Variants in ZFPM1 observed in about 807,000 individuals in gnomAD.
ZFPM1 encodes the protein zinc finger protein, FOG family member 1.
Under a neutral mutation model 46.3 loss-of-function variants are expected in ZFPM1, and 28 were observed. The observed-to-expected ratio is 0.60, with a 90% CI of 0.45 to 0.83. The LOEUF (loss-of-function observed/expected upper bound fraction) is 0.83, where lower values mean the gene tolerates loss of function less well. ZFPM1 is among the 40% of genes least tolerant of loss of function. The pLI, the probability that ZFPM1 is intolerant of heterozygous loss-of-function variation, is 0.00. For synonymous variants in ZFPM1, 957 were observed against 675.9 expected, an observed-to-expected ratio of 1.42 and a Z score of -6.45; for missense variants, 1,878 against 1,432.4, an observed-to-expected ratio of 1.31 and a Z score of -5.02.
chr16:88,453,768 G>T (rs1392536879), intron 1 of ZFPM1, 90 bp downstream of exon 1: 4 of 794,324 alleles, frequency 5.0e-6, no homozygotes, highest in Non-Finnish European at 6.2e-6. Context: ...TCCCCGCTCT[G>T]CCCTGGGCGC....
At chr16:88,521,918 C>T (rs1341065499) in intron 4 of ZFPM1, 2 of 153,488 alleles carry the variant, frequency 1.3e-5, no homozygotes, top group Non-Finnish European at 2.9e-5. Context: ...CCACACCCTC[C>T]CCTCCTCACC....
chr16:88,507,237 C>G (rs1332067573), intron 3 of ZFPM1, among the ~76,000 whole-genome samples: 1 of 152,190 alleles, frequency 6.6e-6, no homozygotes, highest in Non-Finnish European at 1.5e-5. Context: ...TCAGGCCTTG[C>G]TTTTCACAGA....
chr16:88,517,238 GTGGGTGGA>G lies in ZFPM1; in HGVS notation c.402+2722_402+2729del, dbSNP rs1567548208. 1.1e-4 allele frequency among the ~76,000 whole-genome samples: 11 copies of G among 100,480 alleles called. No homozygotes were observed. The East Asian group carries it at 1.8e-3, about 16-fold the overall frequency. 65.9% of individuals were successfully genotyped at this position (100,480 alleles called of 152,430 possible). A position where few individuals can be genotyped will look rare whatever the true frequency, so the allele number is the denominator to read the frequency against. On this transcript the variant is annotated intron_variant, in intron 4 of 9. Transcript: ENST00000319555. Reference sequence around the variant, plus strand: ...GATGGATGGATGGATGGGTGGGTGGGTGGGTGGATGGATGGATGGATGGATGGATGTGT... The same window carrying G: ...GATGGATGGATGGATGGGTGGGTGGGTGGATGGATGGATGGATGGATGTGT...
At chr16:88,528,544 C>T (rs992891495) in intron 6 of ZFPM1, among the ~76,000 whole-genome samples, 2 of 152,184 alleles carry the variant, frequency 1.3e-5, no homozygotes, top group Non-Finnish European at 2.9e-5. Flanking sequence ...GGGGCAGACG[C>T]GGGGGCGGCC....
intron 6 of ZFPM1, 107 bp from the exon 7 acceptor site, chr16:88,531,895 G>C: frequency 9.2e-7 from 1 of 1,089,596 alleles, no homozygotes; most frequent in Non-Finnish European, 1.3e-6. Flanking sequence ...TCCTGGGGTG[G>C]GGAGGACGGT....
chr16:88,527,401 G>GGCGGCAC (rs1912426996), intron 5 of ZFPM1, among the ~76,000 whole-genome samples: 1 of 152,150 alleles, frequency 6.6e-6, no homozygotes, highest in Non-Finnish European at 1.5e-5. Flanking sequence ...GGCACGTCTG[G>GGCGGCAC]GTGGCCTGCA....
At chr16:88,502,064 C>CATTTATT (rs139067439) in intron 3 of ZFPM1, among the ~76,000 whole-genome samples, 178 of 127,376 alleles carry the variant, frequency 1.4e-3, no homozygotes, top group African/African-American at 3.6e-3. Context: ...CCGCCCCCCC[C>CATTTATT]CATTTATTTA....
At chr16:88,491,545 C>T (rs1207191876) in intron 3 of ZFPM1, among the ~76,000 whole-genome samples, 1 of 152,150 alleles carries the variant, frequency 6.6e-6, no homozygotes, top group Non-Finnish European at 1.5e-5. Context: ...CTGGTTTGAT[C>T]GCCACCCCAA....
intron 1 of ZFPM1, among the ~76,000 whole-genome samples, chr16:88,460,334 G>C (rs751297457): frequency 1.3e-5 from 2 of 152,190 alleles, no homozygotes; most frequent in African/African-American, 2.4e-5. Flanking sequence ...CAGGAGGAGT[G>C]GGGTTCTTCA....
chr16:88,529,293 A>C (rs1912597084), intron 6 of ZFPM1, among the ~76,000 whole-genome samples: 1 of 152,114 alleles, frequency 6.6e-6, no homozygotes, highest in Non-Finnish European at 1.5e-5. Context: ...TGGCGTTTGG[A>C]GGGGGACGGT....
chr16:88,468,156 C>T (rs1056469848), intron 1 of ZFPM1, among the ~76,000 whole-genome samples: 3 of 147,150 alleles, frequency 2.0e-5, no homozygotes, highest in African/African-American at 7.5e-5. Context: ...CCTGACCCAC[C>T]CGCGAGCCCA....
chr16:88,533,961 G>A lies in ZFPM1; in HGVS notation c.2003G>A (p.Ser668Asn). The change falls in exon 10 of 10, where the codon AGC (serine) becomes AAC (asparagine). Residue 668 changes from serine to asparagine, a missense_variant. Coordinates refer to ENST00000319555, the MANE Select transcript of ZFPM1 (RefSeq NM_153813.3). ...GGCCGGGGCAGCGAGGGCAGCCAGA[G>A]CCCGGGTAGCTCCGTGGACGACGCG... ...AGGRGSEGSQSPGSSVDDAED... is the reference protein window; with the variant it reads ...AGGRGSEGSQNPGSSVDDAED... The A allele has an allele frequency of 7.7e-7, 1 of 1,304,056 alleles. No individual in the cohort carries two copies. Among genetic ancestry groups the A allele is most frequent in the African/African-American group, 1.6e-5 (1 of 62,774 alleles). The allele number at this position is 1,304,056 out of a possible 1,614,324, so 80.8% of individuals were successfully genotyped here.
chr16:88,475,122 G>T (rs895791327), intron 1 of ZFPM1, among the ~76,000 whole-genome samples: 1 of 152,272 alleles, frequency 6.6e-6, no homozygotes, highest in African/African-American at 2.4e-5. Flanking sequence ...GTGTTGATGG[G>T]GATCTGGTCA....
intron 4 of ZFPM1, among the ~76,000 whole-genome samples, chr16:88,522,476 G>A (rs1455473403): frequency 6.6e-6 from 1 of 152,232 alleles, no homozygotes; most frequent in East Asian, 1.9e-4. Context: ...TGCAGGACCG[G>A]CCGTTTGGCT....
intron 1 of ZFPM1, among the ~76,000 whole-genome samples, chr16:88,485,454 T>TC (rs1909169072): frequency 6.6e-6 from 1 of 151,178 alleles, no homozygotes; most frequent in South Asian, 2.1e-4. Flanking sequence ...TTTTTTTTTT[T>TC]TTGAAACAGA....
rs952812018 is a variant in ZFPM1 at position 88,480,089 on chromosome 16, C to T, written c.41-5850C>T. Among the ~76,000 whole-genome samples, 9 of 152,012 alleles carry T rather than the reference C, an allele frequency of 5.9e-5. No homozygotes were observed. Among genetic ancestry groups the T allele is most frequent in the East Asian group, 3.9e-4 (2 of 5,188 alleles). On this transcript the variant is annotated intron_variant, in intron 1 of 9. Coordinates refer to ENST00000319555, the MANE Select transcript of ZFPM1 (RefSeq NM_153813.3). The surrounding 1 kb of genome is among the most constrained non-coding windows in gnomAD (Gnocchi z 4.9). The stretch of plus-strand genomic sequence containing the variant: ...GCTGAAACCAGGCTCAGGGAGAAGC[C>T]GCCTGCCCTGTGCCAGCCTCAGCTC...
intron 3 of ZFPM1, among the ~76,000 whole-genome samples, chr16:88,494,457 G>C (rs1405752470): frequency 6.6e-6 from 1 of 152,162 alleles, no homozygotes; most frequent in Non-Finnish European, 1.5e-5. Flanking sequence ...GCCGGGGTGA[G>C]AGGCCGCGGG....
intron 2 of ZFPM1, among the ~76,000 whole-genome samples, chr16:88,488,443 G>A (rs1162841086): frequency 2.0e-5 from 3 of 152,268 alleles, no homozygotes; most frequent in African/African-American, 7.2e-5. Flanking sequence ...CCTCGCGGTG[G>A]CTGGAGCTCA....
At chr16:88,468,334 G>GTCA (rs1332806760) in intron 1 of ZFPM1, among the ~76,000 whole-genome samples, 1 of 152,044 alleles carries the variant, frequency 6.6e-6, no homozygotes, top group African/African-American at 2.4e-5. Flanking sequence ...TGCTCTGAAA[G>GTCA]TCATCATCAT....
Sources: allele counts gnomAD v4.1 joint callset (sites outside exome capture counted in the v4.1 genomes callset), GRCh38; gene constraint gnomAD v4.1.1; non-coding constraint Gnocchi (gnomAD v3.1); transcripts MANE v1.5; gene names NCBI Gene and HGNC (gene_info 2026-07-23, HGNC 2026-07-21).